The following FSTL4 variants were observed in gnomAD, a reference collection of about 807,000 sequenced individuals.
FSTL4 encodes the protein follistatin like 4, also known as follistatin-related protein 4.
FSTL4 carries 28 observed loss-of-function variants against 78.2 expected under a neutral mutation model. The observed-to-expected ratio is 0.36, with a 90% CI of 0.27 to 0.49. The LOEUF (loss-of-function observed/expected upper bound fraction) is 0.49, where lower values mean the gene tolerates loss of function less well. Among genes scored for constraint, FSTL4 ranks in the 20% least tolerant of loss-of-function variants. FSTL4 has a pLI of 0.98. For missense variants in FSTL4, 922 were observed against 1,084.9 expected (o/e 0.85, Z 2.11); for synonymous variants, 422 against 440.5 (o/e 0.96, Z 0.53).
At chr5:133,597,615 T>C (rs1208996296) in intron 2 of FSTL4, among the ~76,000 whole-genome samples, 1 of 152,210 alleles carries the variant, frequency 6.6e-6, no homozygotes, top group East Asian at 1.9e-4. Context: ...ATTAAAATTG[T>C]CAACTATGAT....
chr5:133,815,385 A>G, the FSTL4 span, among the ~76,000 whole-genome samples: 1 of 152,226 alleles, frequency 6.6e-6, no homozygotes, highest in African/African-American at 2.4e-5. Flanking sequence ...TGAGGTCTGG[A>G]CAATGCCTCC....
intron 3 of FSTL4, among the ~76,000 whole-genome samples, chr5:133,407,948 G>T (rs1756399184): frequency 1.3e-5 from 2 of 152,252 alleles, no homozygotes; most frequent in Non-Finnish European, 2.9e-5. Context: ...AGCCACATGG[G>T]CACTGGAGAA....
intron 6 of FSTL4, among the ~76,000 whole-genome samples, chr5:133,263,372 AAG>A (rs1752574253): frequency 1.3e-5 from 2 of 151,976 alleles, no homozygotes; most frequent in Admixed American, 1.3e-4. Flanking sequence ...GGAGTGAGGA[AAG>A]AGATCTGAGG....
intron 4 of FSTL4, among the ~76,000 whole-genome samples, chr5:133,323,786 G>A (rs1174669921): frequency 6.6e-6 from 1 of 152,236 alleles, no homozygotes. Context: ...TCAGCTTGCC[G>A]AGGAGCCCAG....
chr5:133,705,359 A>C, the FSTL4 span, among the ~76,000 whole-genome samples: 1 of 152,208 alleles, frequency 6.6e-6, no homozygotes, highest in Admixed American at 6.5e-5. Flanking sequence ...TTGCCCAGCC[A>C]GAATATATAT....
At chr5:133,339,909 A>G (rs1434785446) in intron 4 of FSTL4, among the ~76,000 whole-genome samples, 6 of 152,188 alleles carry the variant, frequency 3.9e-5, no homozygotes, top group African/African-American at 1.4e-4. Context: ...TCTCCTCTTC[A>G]GAGATGGGGA....
chr5:133,641,197 A>G, the FSTL4 span, among the ~76,000 whole-genome samples: 2 of 152,112 alleles, frequency 1.3e-5, no homozygotes, highest in African/African-American at 4.8e-5. Flanking sequence ...GATCACAAAG[A>G]CCCAACCATA....
At chr5:133,596,753 C>A (rs1406732433) in intron 2 of FSTL4, among the ~76,000 whole-genome samples, 2 of 152,226 alleles carry the variant, frequency 1.3e-5, no homozygotes, top group East Asian at 3.8e-4. Flanking sequence ...CCAACCCCAA[C>A]CCCTGTGCAA....
chr5:133,603,827 A>T, intron 2 of FSTL4, 31 bp downstream of exon 2: 3 of 1,609,800 alleles, frequency 1.9e-6, no homozygotes, highest in Non-Finnish European at 2.6e-6. Flanking sequence ...AATCAGTTTG[A>T]AATGTTATGT....
the FSTL4 span, among the ~76,000 whole-genome samples, chr5:133,726,677 C>A: frequency 6.6e-6 from 1 of 152,134 alleles, no homozygotes; most frequent in African/African-American, 2.4e-5. Context: ...GGGGGCTGGG[C>A]AGGTGGCTTC....
Position 133,329,400 on chromosome 5 carries a change from G to GAT in FSTL4, c.410-12750_410-12749dup, listed in dbSNP as rs374897295. Among the ~76,000 whole-genome samples the GAT allele has an allele frequency of 4.0e-3, 609 of 151,772 alleles. 6 individuals are homozygous for GAT. Among genetic ancestry groups the GAT allele is most frequent in the African/African-American group, 0.014 (593 of 41,270 alleles). ...GGCCAGAACTCAAAAGAGAGAGAGA[G>GAT]ATATATATATATTTATTTATTAAGT... On this transcript the variant is annotated intron_variant, in intron 4 of 15. Transcript: ENST00000265342.
the FSTL4 span, among the ~76,000 whole-genome samples, chr5:133,764,552 C>G: frequency 5.3e-4 from 81 of 152,166 alleles, 1 homozygote; most frequent in African/African-American, 1.9e-3. Flanking sequence ...AGACTTTCTC[C>G]CCCAAAACAA....
chr5:133,831,052 G>A, the FSTL4 span, among the ~76,000 whole-genome samples: 1 of 152,136 alleles, frequency 6.6e-6, no homozygotes, highest in Admixed American at 6.5e-5. Context: ...TTAGCAGGTG[G>A]GAGGTGAAGT....
At chr5:133,492,964 C>T (rs962020653) in intron 3 of FSTL4, among the ~76,000 whole-genome samples, 1 of 151,932 alleles carries the variant, frequency 6.6e-6, no homozygotes, top group African/African-American at 2.4e-5. Context: ...CAACAATTCT[C>T]TCTTCAGCTG....
chr5:133,243,553 G>C (rs1255482543), intron 7 of FSTL4, among the ~76,000 whole-genome samples: 2 of 152,214 alleles, frequency 1.3e-5, no homozygotes, highest in Non-Finnish European at 2.9e-5. Flanking sequence ...TGGAATTGCT[G>C]GGGGCTAGAT....
chr5:133,693,447 G>A, the FSTL4 span, among the ~76,000 whole-genome samples: 1 of 152,136 alleles, frequency 6.6e-6, no homozygotes, highest in Non-Finnish European at 1.5e-5. Flanking sequence ...GAGGAAAATT[G>A]TACTCTGTTC....
chr5:133,813,254 T>C, the FSTL4 span, among the ~76,000 whole-genome samples: 6 of 152,376 alleles, frequency 3.9e-5, no homozygotes, highest in African/African-American at 1.4e-4. Context: ...TAAATTTCAA[T>C]AATACATTTT....
At chr5:133,709,414 C>T in the FSTL4 span, among the ~76,000 whole-genome samples, 24 of 152,370 alleles carry the variant, frequency 1.6e-4, no homozygotes, top group East Asian at 4.6e-3. Flanking sequence ...CAAGGACTGG[C>T]TTCACTTATT....
intron 4 of FSTL4, among the ~76,000 whole-genome samples, chr5:133,360,185 A>T (rs1755038685): frequency 6.6e-6 from 1 of 152,216 alleles, no homozygotes; most frequent in Non-Finnish European, 1.5e-5. Flanking sequence ...CTCCAAGTAC[A>T]ATCTTCTCAA....
Sources: allele counts gnomAD v4.1 joint callset (sites outside exome capture counted in the v4.1 genomes callset), GRCh38; gene constraint gnomAD v4.1.1; transcripts MANE v1.5; gene names NCBI Gene and HGNC (gene_info 2026-07-23, HGNC 2026-07-21).